FAN1: variants seen among roughly 807,000 people sequenced by gnomAD.
The protein encoded by FAN1 is FANCD2 and FANCI associated nuclease 1, also known as fanconi-associated nuclease 1.
FAN1 carries 91 observed loss-of-function variants against 104.9 expected under a neutral mutation model. That is an observed-to-expected ratio of 0.87 (90% CI 0.73 to 1.03). The LOEUF is 1.03. Ranked by LOEUF, FAN1 falls within the 50% of genes least tolerant of loss-of-function variation. The pLI, the probability that FAN1 is intolerant of heterozygous loss-of-function variation, is 0.00. For missense variants in FAN1, 1,263 were observed against 1,239.9 expected (o/e 1.02, Z -0.28); for synonymous variants, 478 against 457.6 (o/e 1.04, Z -0.57).
chr15:30,941,374 TAA>T, intron 14 of FAN1, 190 bp from the exon 15 acceptor site: 1 of 1,538,236 alleles, frequency 6.5e-7, no homozygotes, highest in African/African-American at 1.4e-5. Context: ...TTCTTACATA[TAA>T]AGTTATTAGA....
chr15:30,940,061 T>C, intron 14 of FAN1: 1 of 981,776 alleles, frequency 1.0e-6, no homozygotes, highest in Non-Finnish European at 1.2e-6. Flanking sequence ...AAAACACTTG[T>C]TTTAGAAAAG....
At chr15:30,930,103 G>A (rs973628658) in intron 12 of FAN1, among the ~76,000 whole-genome samples, 2 of 149,530 alleles carry the variant, frequency 1.3e-5, no homozygotes, top group Non-Finnish European at 3.0e-5. Flanking sequence ...GTTAGTGATG[G>A]AAACATACTA....
chr15:30,926,511 A>C (rs2062467081), intron 10 of FAN1: 1 of 414,510 alleles, frequency 2.4e-6, no homozygotes, highest in South Asian at 1.0e-4. Context: ...ATTAACAAGT[A>C]CTATAGAAAG....
At chr15:30,939,024 G>C (rs2062950483) in intron 14 of FAN1, 7 of 985,144 alleles carry the variant, frequency 7.1e-6, no homozygotes, top group Non-Finnish European at 8.4e-6. Context: ...ACATCTTCTT[G>C]CTCATCCCAC....
chr15:30,911,063 T>A (rs934976276), intron 4 of FAN1: 1 of 1,228,846 alleles, frequency 8.1e-7, no homozygotes, highest in South Asian at 3.9e-5. Context: ...TTTGGTAAAT[T>A]GTAGTATTTT....
intron 14 of FAN1, chr15:30,939,070 TTA>T (rs1381017786): frequency 1.0e-6 from 1 of 985,340 alleles, no homozygotes; most frequent in Non-Finnish European, 1.2e-6. Flanking sequence ...CACAAAGGTT[TTA>T]GTTTTCTCGG....
At chr15:30,909,181 G>A (rs1299339777) in intron 3 of FAN1, among the ~76,000 whole-genome samples, 7 of 152,134 alleles carry the variant, frequency 4.6e-5, no homozygotes, top group African/African-American at 1.4e-4. Flanking sequence ...GTGAGCCTTG[G>A]GTTCAAGTTG....
intron 3 of FAN1, among the ~76,000 whole-genome samples, chr15:30,908,962 T>TA (rs1426477888): frequency 6.6e-6 from 1 of 152,222 alleles, no homozygotes; most frequent in Non-Finnish European, 1.5e-5. Flanking sequence ...ATATTGCCTC[T>TA]AAAAACTTCA....
intron 4 of FAN1, among the ~76,000 whole-genome samples, chr15:30,912,844 A>G (rs1005266612): frequency 1.3e-5 from 2 of 152,170 alleles, no homozygotes; most frequent in Non-Finnish European, 2.9e-5. Flanking sequence ...ACAAAGAATT[A>G]CCTAGCCTAA....
intron 5 of FAN1, among the ~76,000 whole-genome samples, chr15:30,917,209 G>A (rs1419876197): frequency 6.6e-5 from 10 of 152,264 alleles, no homozygotes; most frequent in African/African-American, 2.4e-4. Flanking sequence ...GGGGTGGGGC[G>A]CCATCCAGTG....
chr15:30,905,931 A>G (rs921213134), intron 2 of FAN1, 34 bp downstream of exon 2: 18 of 1,579,244 alleles, frequency 1.1e-5, no homozygotes, highest in Non-Finnish European at 1.5e-5. Flanking sequence ...TCAAGTTTTC[A>G]TTCCCCTTTT....
At chr15:30,910,865 A>G in intron 4 of FAN1, 50 bp downstream of exon 4, 1 of 1,567,974 alleles carries the variant, frequency 6.4e-7, no homozygotes, top group African/African-American at 1.4e-5. Flanking sequence ...TTGATAGCAC[A>G]TATTAACTTA....
At chr15:30,917,662 G>A in intron 5 of FAN1, among the ~76,000 whole-genome samples, 1 of 152,204 alleles carries the variant, frequency 6.6e-6, no homozygotes, top group Non-Finnish European at 1.5e-5. Context: ...GCTAAGTTGT[G>A]TTGTAACATT....
chr15:30,909,534 G>T (rs964556896), intron 3 of FAN1, among the ~76,000 whole-genome samples: 5 of 152,224 alleles, frequency 3.3e-5, no homozygotes, highest in African/African-American at 7.2e-5. Flanking sequence ...CATGCCAGGT[G>T]ACTGCTGCAG....
At chr15:30,926,875 G>T in intron 10 of FAN1, 1 of 985,392 alleles carries the variant, frequency 1.0e-6, no homozygotes, top group Non-Finnish European at 1.2e-6. Context: ...CGTGAAACTG[G>T]GCTGAACTCT....
Position 30,905,052 on chromosome 15 carries a change from A to C in FAN1, c.389A>C (p.Lys130Thr). The change falls in exon 2 of 15, where the codon AAA (lysine) becomes ACA (threonine). Residue 130 changes from lysine (K) to threonine (T), a missense_variant. Physicochemically the swap from Lys to Thr is moderately conservative, Grantham distance 78 (BLOSUM62 -1). This residue lies in a region of FAN1 where 682 missense variants were observed against 571.1 expected (regional missense o/e 1.19). Transcript: ENST00000362065. ...AAGCAGAAGATCAGTCCCTACTTTA[A>C]AAGTAATGATGTGGTGTGCAAAAAT... Reference protein sequence around the residue: ...EVKQKISPYFKSNDVVCKNQD... With the variant: ...EVKQKISPYFTSNDVVCKNQD... 1.2e-6 allele frequency: 2 copies of C among 1,614,056 alleles called. No homozygotes were observed. Among genetic ancestry groups the C allele is most frequent in the South Asian group, 2.2e-5 (2 of 91,086 alleles).
chr15:30,929,734 ATATAT>A (rs1397652690), intron 12 of FAN1, among the ~76,000 whole-genome samples: 1,415 of 55,052 alleles, frequency 0.026, 182 homozygotes, highest in African/African-American at 0.055. Context: ...AAAATATATA[ATATAT>A]TATATCATAT....
At chr15:30,939,162 G>A in intron 14 of FAN1, 2 of 985,316 alleles carry the variant, frequency 2.0e-6, no homozygotes, top group Non-Finnish European at 2.4e-6. Context: ...TTCACCCTCT[G>A]TTAGTACAAA....
chr15:30,939,722 T>A (rs1489430634), intron 14 of FAN1: 2 of 979,866 alleles, frequency 2.0e-6, no homozygotes, highest in Non-Finnish European at 2.4e-6. Flanking sequence ...TTAGTAATAA[T>A]AAAAAAGCAG....
Sources: gnomAD v4.1 joint callset for allele counts (sites outside exome capture counted in the v4.1 genomes callset) on GRCh38, gnomAD v4.1.1 for gene constraint, gnomAD v4.1.1 regional missense constraint, MANE v1.5 for transcripts, NCBI Gene and HGNC (gene_info 2026-07-23, HGNC 2026-07-21) for gene names.